The following HIVEP3 variants were observed in gnomAD, a reference collection of about 807,000 sequenced individuals.
HIVEP3 encodes the protein HIVEP zinc finger 3, also known as transcription factor HIVEP3.
HIVEP3 carries 49 observed loss-of-function variants against 152.8 expected under a neutral mutation model. The ratio of observed to expected loss-of-function variants is 0.32; its 90% CI spans 0.26 to 0.41. The LOEUF is 0.41. HIVEP3 is among the 10% of genes least tolerant of loss of function. The probability of loss-of-function intolerance (pLI) is 1.00; values close to 1 mark genes in which losing one functional copy is unlikely to be tolerated. For synonymous variants in HIVEP3, 1,269 were observed against 1,289.0 expected (o/e 0.98, Z 0.33); for missense variants, 2,790 against 3,103.3 (o/e 0.90, Z 2.40).
chr1:41,790,495 A>G (rs1029422479), intron 1 of HIVEP3, among the ~76,000 whole-genome samples: 3 of 152,182 alleles, frequency 2.0e-5, no homozygotes, highest in African/African-American at 7.2e-5. Flanking sequence ...TTAACACACC[A>G]TGTAACCTTG....
At chr1:41,629,041 C>A (rs989647606) in intron 2 of HIVEP3, 94 bp from the exon 3 acceptor site, 5 of 925,890 alleles carry the variant, frequency 5.4e-6, no homozygotes, top group African/African-American at 1.7e-5. Flanking sequence ...GGAGGACACA[C>A]CCCCCAACTA....
At chr1:41,964,463 C>T (rs1429044442) in intron 1 of HIVEP3, among the ~76,000 whole-genome samples, 2 of 152,192 alleles carry the variant, frequency 1.3e-5, no homozygotes, top group African/African-American at 4.8e-5. Flanking sequence ...GTCCCACACA[C>T]AGAGCTATGC....
intron 1 of HIVEP3, among the ~76,000 whole-genome samples, chr1:41,908,698 T>C (rs1644751658): frequency 6.6e-6 from 1 of 152,222 alleles, no homozygotes; most frequent in South Asian, 2.1e-4. Flanking sequence ...CTGGATACTA[T>C]AGAAAAACTC....
At chr1:41,643,548 T>A (rs1645410149) in intron 2 of HIVEP3, among the ~76,000 whole-genome samples, 1 of 152,180 alleles carries the variant, frequency 6.6e-6, no homozygotes, top group South Asian at 2.1e-4. Context: ...CAGGACCTCA[T>A]TTTTGGGACC....
chr1:41,836,593 T>A (rs764220846), intron 1 of HIVEP3, among the ~76,000 whole-genome samples: 5 of 152,226 alleles, frequency 3.3e-5, no homozygotes, highest in Non-Finnish European at 7.3e-5. Flanking sequence ...TCAATGAAAC[T>A]GGTCATGTGG....
At chr1:41,770,946 T>C (rs1648315939) in intron 1 of HIVEP3, among the ~76,000 whole-genome samples, 1 of 152,028 alleles carries the variant, frequency 6.6e-6, no homozygotes, top group African/African-American at 2.4e-5. Context: ...AGAGCATGCA[T>C]TGTCAACGGG....
chr1:41,718,646 T>G (rs1327254699), intron 1 of HIVEP3, among the ~76,000 whole-genome samples: 1 of 152,152 alleles, frequency 6.6e-6, no homozygotes, highest in Non-Finnish European at 1.5e-5. Flanking sequence ...GTTGTTTCAC[T>G]CTCACCTCCA....
At chr1:41,835,419 T>A (rs2124361967) in intron 1 of HIVEP3, among the ~76,000 whole-genome samples, 1 of 152,336 alleles carries the variant, frequency 6.6e-6, no homozygotes. Flanking sequence ...CTCTGGTGTC[T>A]CTTCACATAA....
intron 3 of HIVEP3, among the ~76,000 whole-genome samples, chr1:41,591,573 A>G (rs568922986): frequency 3.6e-4 from 55 of 152,150 alleles, no homozygotes; most frequent in African/African-American, 1.3e-3. Context: ...ATCCTGGCAC[A>G]CAGCTTTCCA....
At chr1:41,857,405 A>AAT (rs1291298845) in intron 1 of HIVEP3, among the ~76,000 whole-genome samples, 1 of 152,180 alleles carries the variant, frequency 6.6e-6, no homozygotes, top group Non-Finnish European at 1.5e-5. Context: ...ATCAAGGGTC[A>AAT]ATACCACCCC....
rs1358699706 is a variant in HIVEP3, at chr1:42,001,763, G to A, written n.119+34044C>T. Among the ~76,000 whole-genome samples the A allele has an allele frequency of 2.0e-5, 3 of 152,198 alleles. No homozygotes were observed. In the East Asian group the frequency reaches 5.8e-4, roughly 29 times the overall value. On this transcript the variant is annotated intron_variant and non_coding_transcript_variant, in intron 1 of 3. Coordinates refer to the HIVEP3 transcript ENST00000489103. ...ATACACCTGTACAGACATACTGCTT[G>A]GTAAAATATTGAAATATTTTGTACT...
At chr1:41,992,983 T>G (rs1447583191) in intron 1 of HIVEP3, among the ~76,000 whole-genome samples, 3 of 146,256 alleles carry the variant, frequency 2.1e-5, no homozygotes, top group Non-Finnish European at 3.0e-5. Context: ...CCTTACACCT[T>G]ATACAAAAAT....
chr1:41,705,635 G>A (rs1646422094), intron 1 of HIVEP3, among the ~76,000 whole-genome samples: 1 of 152,192 alleles, frequency 6.6e-6, no homozygotes, highest in African/African-American at 2.4e-5. Context: ...ACTGCCCGGC[G>A]CTCACAGGGT....
intron 1 of HIVEP3, among the ~76,000 whole-genome samples, chr1:41,751,056 A>G (rs924500518): frequency 1.3e-5 from 2 of 152,156 alleles, no homozygotes; most frequent in Non-Finnish European, 2.9e-5. Flanking sequence ...AAGAACGGAC[A>G]TGGGCATCCG....
chr1:41,931,493 T>C (rs1184875308), intron 1 of HIVEP3, among the ~76,000 whole-genome samples: 2 of 152,098 alleles, frequency 1.3e-5, no homozygotes, highest in African/African-American at 4.8e-5. Flanking sequence ...TCCTTGATTA[T>C]TATAACTTTG....
chr1:41,620,281 A>C (rs972385137), intron 3 of HIVEP3, among the ~76,000 whole-genome samples: 10 of 152,042 alleles, frequency 6.6e-5, no homozygotes, highest in Non-Finnish European at 1.5e-4. Context: ...AGCAAACAGA[A>C]ATTTTTTCTC....
chr1:41,701,002 G>C lies in HIVEP3; in HGVS notation c.-800-7C>G, dbSNP rs545092181. 3 of 979,968 alleles carry C rather than the reference G, an allele frequency of 3.1e-6. No individual in the cohort carries two copies. In the African/African-American group the frequency reaches 5.2e-5, roughly 17 times the overall value. The allele number at this position is 979,968 out of a possible 1,614,324, so 60.7% of individuals were successfully genotyped here. On this transcript the variant is annotated splice_region_variant and splice_polypyrimidine_tract_variant and intron_variant, in intron 1 of 8. Transcript: ENST00000372583. ...AACTGTGTTGGAGGGAGGCCTGTGGGAAGTAGAGAAAGTGAGAATATTATG... is the reference window on the plus strand; with the variant it reads ...AACTGTGTTGGAGGGAGGCCTGTGGCAAGTAGAGAAAGTGAGAATATTATG...
At chr1:41,916,082 T>C (rs180989648) in intron 1 of HIVEP3, among the ~76,000 whole-genome samples, 8 of 152,332 alleles carry the variant, frequency 5.3e-5, no homozygotes, top group Admixed American at 5.2e-4. Context: ...TTATCTTTCA[T>C]CAAATCATGT....
chr1:42,007,744 C>G (rs1272093169), intron 1 of HIVEP3, among the ~76,000 whole-genome samples: 1 of 152,146 alleles, frequency 6.6e-6, no homozygotes, highest in Non-Finnish European at 1.5e-5. Context: ...CCAATGCTTA[C>G]TACTCAGTAT....
Sources: allele counts gnomAD v4.1 joint callset (sites outside exome capture counted in the v4.1 genomes callset), GRCh38; gene constraint gnomAD v4.1.1; transcripts MANE v1.5; gene names NCBI Gene and HGNC (gene_info 2026-07-23, HGNC 2026-07-21).